WDR27: variants seen among roughly 807,000 people sequenced by gnomAD.
The protein encoded by WDR27 is WD repeat-containing protein 27.
WDR27 carries 100 observed loss-of-function variants against 114.4 expected under a neutral mutation model. The ratio of observed to expected loss-of-function variants is 0.87; its 90% CI spans 0.74 to 1.03. WDR27 has a LOEUF of 1.03. Among genes scored for constraint, WDR27 ranks in the 50% least tolerant of loss-of-function variants. The probability of loss-of-function intolerance (pLI) is 0.00; values close to 1 mark genes in which losing one functional copy is unlikely to be tolerated. For synonymous variants in WDR27, 449 were observed against 423.1 expected, an observed-to-expected ratio of 1.06 and a Z score of -0.75; for missense variants, 1,129 against 1,092.9, an observed-to-expected ratio of 1.03 and a Z score of -0.47.
intron 25 of WDR27, among the ~76,000 whole-genome samples, chr6:169,464,713 A>G (rs1257014840): frequency 1.3e-5 from 2 of 152,236 alleles, no homozygotes; most frequent in African/African-American, 4.8e-5. Context: ...TCCAGGATAT[A>G]TAGAGGAGCC....
chr6:169,641,355 A>G (rs987051840), intron 17 of WDR27, among the ~76,000 whole-genome samples: 18 of 152,178 alleles, frequency 1.2e-4, no homozygotes, highest in African/African-American at 3.9e-4. Context: ...CAAGGTGCCC[A>G]TGGGGGACCA....
At position 169,668,046 on chromosome 6, in the gene WDR27, G is replaced by A. The variant is rs376971037; in HGVS notation, c.596C>T (p.Ala199Val). 67 of 1,613,872 alleles carry A rather than the reference G, an allele frequency of 4.2e-5. No individual in the cohort carries two copies. Among genetic ancestry groups the A allele is most frequent in the Non-Finnish European group, 5.0e-5 (59 of 1,179,890 alleles). ...TGCTCGCCAGGGACAGAACTCCACC[G>A]CAGTCACCGGGCCCAGGTGGCCCTG... is the stretch of plus-strand genomic sequence containing the variant. ...ELQGHLGPVT[A>V]VEFCPWRAGT... The change falls in exon 5 of 26, where the codon GCG becomes GTG. Residue 199 changes from alanine (A) to valine (V), a missense_variant. Ala to Val is a moderately conservative substitution (Grantham distance 64, BLOSUM62 0). Transcript: ENST00000448612.
In WDR27 at chr6:169,659,799, C is replaced by G. The variant is rs559527468; in HGVS notation, c.1130-281G>C. Among the ~76,000 whole-genome samples, 31 of 152,104 alleles carry G rather than the reference C, an allele frequency of 2.0e-4. No homozygotes were observed. The highest frequency in any genetic ancestry group is 3.7e-4 in the Non-Finnish European group (25 of 68,018). On this transcript the variant is annotated intron_variant, in intron 10 of 25. Transcript: ENST00000448612. This position sits in a 1 kb window ranked among gnomAD's most constrained non-coding sequence, Gnocchi z 4.3. ...GTGACTCGGACTGAGACCTGCAGCT[C>G]AGCCTCCTGGAGAAGCCACATGTCC... is the stretch of plus-strand genomic sequence containing the variant.
intron 21 of WDR27, among the ~76,000 whole-genome samples, chr6:169,614,732 G>T (rs905515641): frequency 1.3e-5 from 2 of 151,834 alleles, no homozygotes; most frequent in Admixed American, 1.3e-4. Context: ...AAACAAAGCT[G>T]TAATACATGT....
At position 169,457,973 on chromosome 6, in the gene WDR27, CGGAGGA is replaced by C. The variant is rs148934854; in HGVS notation, c.2646-345_2646-340del. On this transcript the variant is annotated intron_variant, in intron 25 of 25. Transcript: ENST00000448612. ...GCTGGCCGCAGGAGAGCACTCCTGA[CGGAGGA>C]GGAGGAGGAGGAGGAGGAGGAGGAG... 4.4e-3 allele frequency among the ~76,000 whole-genome samples: 492 copies of C among 111,768 alleles called. 10 individuals carry two copies. The highest frequency in any genetic ancestry group is 0.013 in the African/African-American group (354 of 27,230). The allele number at this position is 111,768 out of a possible 152,430, so 73.3% of individuals were successfully genotyped here.
chr6:169,674,227 TAAAG>T (rs1779508921), intron 2 of WDR27, among the ~76,000 whole-genome samples: 1 of 150,752 alleles, frequency 6.6e-6, no homozygotes, highest in South Asian at 2.1e-4. Flanking sequence ...CAAAGAAAAA[TAAAG>T]AATAGAGAAA....
At chr6:169,672,129 T>A (rs956961557) in intron 3 of WDR27, 126 bp downstream of exon 3, 2 of 979,596 alleles carry the variant, frequency 2.0e-6, no homozygotes, top group Non-Finnish European at 2.9e-6. Context: ...AGTACAAAAT[T>A]ATCCCAAACC....
the WDR27 span, among the ~76,000 whole-genome samples, chr6:169,449,611 A>G: frequency 6.6e-6 from 1 of 152,150 alleles, no homozygotes; most frequent in East Asian, 1.9e-4. Context: ...CAGCCCCACC[A>G]TCTCTTGCCT....
chr6:169,532,297 C>A (rs1028476457), intron 25 of WDR27, among the ~76,000 whole-genome samples: 1 of 151,860 alleles, frequency 6.6e-6, no homozygotes, highest in African/African-American at 2.4e-5. Flanking sequence ...CAAGATGAGA[C>A]ATTAATAGAA....
At chr6:169,619,380 A>G (rs1374385315) in intron 21 of WDR27, among the ~76,000 whole-genome samples, 1 of 151,978 alleles carries the variant, frequency 6.6e-6, no homozygotes, top group Non-Finnish European at 1.5e-5. Flanking sequence ...TCTTGTCGAC[A>G]GAAAGAGTAA....
chr6:169,486,009 T>C (rs935733572), intron 25 of WDR27, among the ~76,000 whole-genome samples: 11 of 151,782 alleles, frequency 7.2e-5, no homozygotes, highest in African/African-American at 2.7e-4. Flanking sequence ...AGGGTGGAGG[T>C]GGAGAGCAAG....
At chr6:169,471,298 T>A (rs1786353437) in intron 25 of WDR27, among the ~76,000 whole-genome samples, 1 of 152,116 alleles carries the variant, frequency 6.6e-6, no homozygotes, top group Non-Finnish European at 1.5e-5. Flanking sequence ...GCATGGTTGT[T>A]CACAGCCAAT....
At chr6:169,639,781 C>A (rs753027113) in intron 17 of WDR27, among the ~76,000 whole-genome samples, 9 of 152,206 alleles carry the variant, frequency 5.9e-5, no homozygotes, top group Non-Finnish European at 1.0e-4. Context: ...ACCTGTCTTG[C>A]CTCATAACCC....
chr6:169,468,801 A>G (rs1259308459), intron 25 of WDR27, among the ~76,000 whole-genome samples: 1 of 152,192 alleles, frequency 6.6e-6, no homozygotes, highest in East Asian at 1.9e-4. Context: ...CAGATATGTA[A>G]TTCTCACAGT....
intron 25 of WDR27, among the ~76,000 whole-genome samples, chr6:169,458,691 G>A (rs1784569307): frequency 6.6e-6 from 1 of 151,850 alleles, no homozygotes; most frequent in African/African-American, 2.4e-5. Flanking sequence ...GGAGGCTGAG[G>A]CATGAGACTT....
At chr6:169,583,503 ATG>A (rs1456169625) in intron 23 of WDR27, among the ~76,000 whole-genome samples, 3,908 of 25,904 alleles carry the variant, frequency 0.15, 57 homozygotes, top group Non-Finnish European at 0.31. Context: ...ATATATATAT[ATG>A]TATATATACA....
rs372318225 is a variant in WDR27 at position 169,664,039 on chromosome 6, T to C, written c.904+127A>G. On this transcript the variant is annotated intron_variant, in intron 8 of 25. Transcript: ENST00000448612. ...GCAGGGCCTCAGTGGTTTTCTGAGG[T>C]TGCAGCCCTTGGCTTCTCCTACATT... 293 of 903,732 alleles carry C rather than the reference T, an allele frequency of 3.2e-4. 2 individuals carry two copies. In the South Asian group the frequency reaches 5.3e-3, roughly 16 times the overall value. The allele number at this position is 903,732 out of a possible 1,614,324, so 56.0% of individuals were successfully genotyped here.
At chr6:169,537,948 G>T (rs1030975326) in intron 25 of WDR27, among the ~76,000 whole-genome samples, 4 of 151,464 alleles carry the variant, frequency 2.6e-5, no homozygotes, top group Non-Finnish European at 2.9e-5. Context: ...CCTGATTTTT[G>T]TAGATATCAC....
At chr6:169,430,213 G>T in the WDR27 span, among the ~76,000 whole-genome samples, 1 of 152,182 alleles carries the variant, frequency 6.6e-6, no homozygotes, top group Admixed American at 6.5e-5. Context: ...TTCAGACACA[G>T]AGCCTGTTAC....
Sources: allele counts gnomAD v4.1 joint callset (sites outside exome capture counted in the v4.1 genomes callset), GRCh38; gene constraint gnomAD v4.1.1; non-coding constraint Gnocchi (gnomAD v3.1); transcripts MANE v1.5; gene names NCBI Gene and HGNC (gene_info 2026-07-23, HGNC 2026-07-21).